The following GALNT1 variants were observed in gnomAD, a reference collection of about 807,000 sequenced individuals.
GALNT1 encodes GalNAc transferase 1.
GALNT1 carries 17 observed loss-of-function variants against 65.7 expected under a neutral mutation model. That is an observed-to-expected ratio of 0.26 (90% CI 0.18 to 0.39). The LOEUF is 0.39. Ranked by LOEUF, GALNT1 falls within the 10% of genes least tolerant of loss-of-function variation. The pLI, the probability that GALNT1 is intolerant of heterozygous loss-of-function variation, is 1.00. For missense variants in GALNT1, 460 were observed against 672.8 expected (o/e 0.68, Z 3.50); for synonymous variants, 210 against 219.7 (o/e 0.96, Z 0.39).
chr18:35,646,226 C>A (rs1302316443), intron 1 of GALNT1, among the ~76,000 whole-genome samples: 1 of 152,196 alleles, frequency 6.6e-6, no homozygotes, highest in African/African-American at 2.4e-5. Flanking sequence ...CCTAAGAACT[C>A]ACTCACTATC....
At chr18:35,584,097 TG>T in intron 1 of GALNT1, among the ~76,000 whole-genome samples, 1 of 152,340 alleles carries the variant, frequency 6.6e-6, no homozygotes, top group East Asian at 1.9e-4. Flanking sequence ...CTTTAATATT[TG>T]GTTTGTGATA....
At chr18:35,631,577 A>G (rs1203771205) in intron 1 of GALNT1, among the ~76,000 whole-genome samples, 1 of 152,236 alleles carries the variant, frequency 6.6e-6, no homozygotes, top group Admixed American at 6.5e-5. Flanking sequence ...AGAGCTATCT[A>G]TGACAAACCC....
At chr18:35,624,608 T>A (rs2046893551) in intron 1 of GALNT1, among the ~76,000 whole-genome samples, 1 of 152,198 alleles carries the variant, frequency 6.6e-6, no homozygotes, top group African/African-American at 2.4e-5. Flanking sequence ...AGGTGTGGTT[T>A]CTCTATTATT....
chr18:35,697,240 G>T (rs1395785626), intron 9 of GALNT1, among the ~76,000 whole-genome samples: 1 of 152,062 alleles, frequency 6.6e-6, no homozygotes, highest in Non-Finnish European at 1.5e-5. Flanking sequence ...GAGAGAGAGA[G>T]AGATTTATCC....
At chr18:35,705,532 T>C (rs1224171811) in intron 11 of GALNT1, among the ~76,000 whole-genome samples, 2 of 152,222 alleles carry the variant, frequency 1.3e-5, no homozygotes, top group African/African-American at 4.8e-5. Flanking sequence ...TGCTCTGTTC[T>C]AGGGTTTCCC....
chr18:35,691,258 G>C, intron 8 of GALNT1, 66 bp downstream of exon 8: 1 of 1,415,940 alleles, frequency 7.1e-7, no homozygotes, highest in Non-Finnish European at 9.6e-7. Context: ...TGGAGGAGAA[G>C]TAAGAAGGTT....
chr18:35,683,609 G>A lies in GALNT1; in HGVS notation c.689+11G>A. The A allele has an allele frequency of 1.2e-6, 2 of 1,611,650 alleles. No individual in the cohort carries two copies. Among genetic ancestry groups the A allele is most frequent in the Non-Finnish European group, 1.7e-6 (2 of 1,178,642 alleles). ...GATCAAACATGACAGGTAATTTTCTGGTGTCTGTAAGTTTGCTTTTAGTAC... is the reference window on the plus strand; with the variant it reads ...GATCAAACATGACAGGTAATTTTCTAGTGTCTGTAAGTTTGCTTTTAGTAC... On this transcript the variant is annotated intron_variant, in intron 5 of 11. Transcript: ENST00000269195.
intron 5 of GALNT1, among the ~76,000 whole-genome samples, chr18:35,685,821 C>A (rs1156274856): frequency 1.3e-5 from 2 of 152,218 alleles, no homozygotes; most frequent in African/African-American, 4.8e-5. Context: ...AATCCCAGCT[C>A]TTTGGGAGAC....
intron 1 of GALNT1, among the ~76,000 whole-genome samples, chr18:35,607,042 C>G (rs1449555533): frequency 6.6e-6 from 1 of 152,076 alleles, no homozygotes; most frequent in African/African-American, 2.4e-5. Context: ...GCACCAGACT[C>G]AAGGCAGCCA....
At chr18:35,707,590 A>G (rs1598814935) in intron 11 of GALNT1, among the ~76,000 whole-genome samples, 1 of 152,358 alleles carries the variant, frequency 6.6e-6, no homozygotes. Context: ...GAATAGTTAA[A>G]TACTCAGCAC....
chr18:35,620,327 A>T (rs1298713996), intron 1 of GALNT1, among the ~76,000 whole-genome samples: 1 of 152,084 alleles, frequency 6.6e-6, no homozygotes, highest in Non-Finnish European at 1.5e-5. Context: ...CCACCCACTG[A>T]TTTCTGATAT....
chr18:35,616,728 C>T (rs2046788523), intron 1 of GALNT1, among the ~76,000 whole-genome samples: 1 of 152,112 alleles, frequency 6.6e-6, no homozygotes, highest in Non-Finnish European at 1.5e-5. Flanking sequence ...TAATCTTTCT[C>T]TGTGGCAGTT....
At chr18:35,701,594 G>A (rs1568036820) in intron 9 of GALNT1, among the ~76,000 whole-genome samples, 1 of 152,138 alleles carries the variant, frequency 6.6e-6, no homozygotes, top group Non-Finnish European at 1.5e-5. Flanking sequence ...AACATATAAT[G>A]TATTGGACCC....
chr18:35,644,960 C>A (rs574540837), intron 1 of GALNT1, among the ~76,000 whole-genome samples: 1 of 151,770 alleles, frequency 6.6e-6, no homozygotes, highest in Admixed American at 6.6e-5. Context: ...CACTGCACTC[C>A]GGCCTGGGTG....
rs201880262 is a variant in GALNT1 at position 35,663,776 on chromosome 18, A to G, written c.288A>G (p.Arg96=). 41 of 1,613,734 alleles carry G rather than the reference A, an allele frequency of 2.5e-5. No homozygotes were observed. The highest frequency in any genetic ancestry group is 3.4e-5 in the Non-Finnish European group (40 of 1,179,880). ...CAAGTGAGATGATTGCACTCAACAGATCTTTACCAGATGTTAGGTTAGAAG... is the reference window on the plus strand; with the variant it reads ...CAAGTGAGATGATTGCACTCAACAGGTCTTTACCAGATGTTAGGTTAGAAG... ...LMASEMIALN[R]SLPDVRLEGC... is the part of the protein sequence containing the mutation. The change falls in exon 3 of 12, where the codon AGA becomes AGG. Residue 96 remains arginine, a synonymous_variant. Coordinates refer to ENST00000269195, the MANE Select transcript of GALNT1 (RefSeq NM_020474.4).
chr18:35,643,764 C>T (rs1301317767), intron 1 of GALNT1, among the ~76,000 whole-genome samples: 1 of 150,534 alleles, frequency 6.6e-6, no homozygotes, highest in East Asian at 2.0e-4. Context: ...TGCCACTACA[C>T]TCCAGCCTGG....
At chr18:35,601,143 G>T (rs1368475542) in intron 1 of GALNT1, among the ~76,000 whole-genome samples, 3 of 151,886 alleles carry the variant, frequency 2.0e-5, no homozygotes, top group East Asian at 1.9e-4. Context: ...GTCTGTTCAG[G>T]TTTTCTATTT....
chr18:35,648,022 AAGAG>A (rs1443991252), intron 1 of GALNT1, among the ~76,000 whole-genome samples: 1 of 146,710 alleles, frequency 6.8e-6, no homozygotes, highest in South Asian at 2.1e-4. Context: ...CAAAAACAAA[AAGAG>A]AAGAAGAAGA....
intron 1 of GALNT1, among the ~76,000 whole-genome samples, chr18:35,625,490 T>C (rs2046905789): frequency 1.3e-5 from 2 of 152,202 alleles, no homozygotes; most frequent in Non-Finnish European, 2.9e-5. Context: ...CTTGTGTTGC[T>C]AGGTAGGACA....
Sources: gnomAD v4.1 joint callset for allele counts (sites outside exome capture counted in the v4.1 genomes callset) on GRCh38, gnomAD v4.1.1 for gene constraint, MANE v1.5 for transcripts, NCBI Gene and HGNC (gene_info 2026-07-23, HGNC 2026-07-21) for gene names.